The following PID1 variants were observed in gnomAD, a reference collection of about 807,000 sequenced individuals.
The protein encoded by PID1 is phosphotyrosine interaction domain containing 1.
A neutral mutation model predicts 19.1 loss-of-function variants in PID1; 10 were observed. The ratio of observed to expected loss-of-function variants is 0.52; its 90% CI spans 0.32 to 0.89. The LOEUF is 0.89. PID1 is among the 40% of genes least tolerant of loss of function. PID1 has a pLI of 0.03. For missense variants in PID1, 248 were observed against 285.3 expected (o/e 0.87, Z 0.94); for synonymous variants, 130 against 116.0 (o/e 1.12, Z -0.78).
rs115083028 is a variant in PID1, at chr2:229,269,614, C to T, written c.30+1400G>A. The stretch of plus-strand genomic sequence containing the variant: ...TTCTGCTCCTTTGGAATAGAAGTTA[C>T]GCCTTTAACCGAAGGAGAACTTCAA... On this transcript the variant is annotated intron_variant, in intron 1 of 2. Transcript: ENST00000392055. Among the ~76,000 whole-genome samples the T allele has an allele frequency of 2.9e-3, 437 of 152,320 alleles. 1 individual carries two copies. Among genetic ancestry groups the T allele is most frequent in the African/African-American group, 9.7e-3 (405 of 41,570 alleles).
intron 1 of PID1, among the ~76,000 whole-genome samples, chr2:229,212,806 G>A (rs986968767): frequency 1.3e-5 from 2 of 151,970 alleles, no homozygotes; most frequent in Non-Finnish European, 2.9e-5. Flanking sequence ...GCACAGCAAG[G>A]CAGGTAGAAG....
intron 2 of PID1, among the ~76,000 whole-genome samples, chr2:229,134,396 C>T (rs548044256): frequency 0.013 from 827 of 63,778 alleles, 6 homozygotes; most frequent in South Asian, 0.095. Flanking sequence ...CCTGTCACCA[C>T]TCCTGGCTTT....
chr2:229,262,944 A>C (rs985208705), intron 1 of PID1: 1 of 1,409,420 alleles, frequency 7.1e-7, no homozygotes, highest in African/African-American at 1.4e-5. Context: ...ATTCAATATG[A>C]CCTCATCTTA....
chr2:229,210,525 CAAAAAAAAAAA>C (rs1170895327), intron 1 of PID1, among the ~76,000 whole-genome samples: 5 of 15,548 alleles, frequency 3.2e-4, no homozygotes, highest in Admixed American at 1.3e-3. Flanking sequence ...AGTTTTGTCT[CAAAAAAAAAAA>C]AAAAAAAAAA....
intron 2 of PID1, among the ~76,000 whole-genome samples, chr2:229,105,243 G>T (rs911521314): frequency 1.3e-5 from 2 of 152,164 alleles, no homozygotes; most frequent in African/African-American, 4.8e-5. Context: ...CTTTATCCTG[G>T]TCTCTAATCT....
chr2:229,199,652 AT>A (rs1157004500), intron 1 of PID1, among the ~76,000 whole-genome samples: 1 of 151,036 alleles, frequency 6.6e-6, no homozygotes, highest in Non-Finnish European at 1.5e-5. Flanking sequence ...CCATGATTGC[AT>A]TTAAAGGAAG....
At chr2:229,076,963 A>C (rs1275695944) in intron 2 of PID1, among the ~76,000 whole-genome samples, 7 of 152,224 alleles carry the variant, frequency 4.6e-5, no homozygotes, top group Non-Finnish European at 8.8e-5. Flanking sequence ...TTCTTGAGGA[A>C]TCACCACACT....
intron 2 of PID1, among the ~76,000 whole-genome samples, chr2:229,150,036 G>A (rs1416679383): frequency 6.6e-6 from 1 of 151,960 alleles, no homozygotes; most frequent in Non-Finnish European, 1.5e-5. Flanking sequence ...TCAGGAGTGC[G>A]AGACCAGCCT....
chr2:229,065,327 T>C (rs2106196582), intron 2 of PID1, among the ~76,000 whole-genome samples: 1 of 152,228 alleles, frequency 6.6e-6, no homozygotes, highest in African/African-American at 2.4e-5. Context: ...CAAAGCAGAG[T>C]AGATATGACA....
At chr2:229,262,859 C>T (rs1161409311) in intron 1 of PID1, 8 of 1,543,172 alleles carry the variant, frequency 5.2e-6, no homozygotes, top group South Asian at 1.2e-5. Flanking sequence ...TCACAATGGC[C>T]TTCTCTGTGC....
intron 2 of PID1, among the ~76,000 whole-genome samples, chr2:229,121,735 C>T (rs1047755092): frequency 4.6e-5 from 7 of 152,072 alleles, no homozygotes; most frequent in African/African-American, 1.7e-4. Flanking sequence ...TTTATTCATT[C>T]AATAAATATT....
intron 2 of PID1, among the ~76,000 whole-genome samples, chr2:229,042,061 C>T (rs534276014): frequency 1.3e-5 from 2 of 152,130 alleles, no homozygotes; most frequent in African/African-American, 4.8e-5. Flanking sequence ...TGATAACTGT[C>T]CTGTGGATAA....
Position 229,025,581 on chromosome 2 carries a change from C to T in PID1, c.*51G>A. The T allele has an allele frequency of 7.3e-7, 1 of 1,372,892 alleles. No individual in the cohort carries two copies. The highest frequency in any genetic ancestry group is 1.0e-6 in the Non-Finnish European group (1 of 974,230). The allele number at this position is 1,372,892 out of a possible 1,614,324, so 85.0% of individuals were successfully genotyped here. A position where few individuals can be genotyped will look rare whatever the true frequency, so the allele number is the denominator to read the frequency against. ...TTGAAACGTTGCTTACTCATCTATTCCCTTGAACTCCGTGACCAATGCTGC... is the reference window on the plus strand; with the variant it reads ...TTGAAACGTTGCTTACTCATCTATTTCCTTGAACTCCGTGACCAATGCTGC... On this transcript the variant is annotated 3_prime_UTR_variant, in exon 3 of 3. Coordinates refer to ENST00000392055, the MANE Select transcript of PID1 (RefSeq NM_001100818.2).
At chr2:229,228,964 T>G (rs1348291141) in intron 1 of PID1, among the ~76,000 whole-genome samples, 1 of 152,198 alleles carries the variant, frequency 6.6e-6, no homozygotes, top group Non-Finnish European at 1.5e-5. Context: ...GAAATATACC[T>G]TATCTCAAAG....
At position 229,167,857 on chromosome 2, in the gene PID1, A is replaced by C. The variant is rs79677979; in HGVS notation, c.31-11893T>G. ...ATGAAAAGTTTTAAAAATGGAAAGT[A>C]GTCTTTGAATTTTTGAATTTTTATT... is the stretch of plus-strand genomic sequence containing the variant. On this transcript the variant is annotated intron_variant, in intron 1 of 2. Transcript: ENST00000392055. Among the ~76,000 whole-genome samples the C allele has an allele frequency of 2.0e-5, 3 of 152,276 alleles. No individual in the cohort carries two copies. The East Asian group carries it at 5.8e-4, about 29-fold the overall frequency.
At chr2:229,135,452 G>A (rs1490500398) in intron 2 of PID1, among the ~76,000 whole-genome samples, 1 of 152,190 alleles carries the variant, frequency 6.6e-6, no homozygotes, top group Non-Finnish European at 1.5e-5. Flanking sequence ...CAAATTCATA[G>A]AGACAGAATT....
chr2:229,069,281 T>C (rs1221138214), intron 2 of PID1, among the ~76,000 whole-genome samples: 1 of 151,760 alleles, frequency 6.6e-6, no homozygotes, highest in African/African-American at 2.4e-5. Context: ...GCTGAGGACA[T>C]TAAAAAATAT....
chr2:229,231,963 G>T (rs1692219070), intron 1 of PID1: 5 of 1,550,412 alleles, frequency 3.2e-6, no homozygotes, highest in Non-Finnish European at 4.4e-6. Flanking sequence ...CAAGGTGCGG[G>T]CTTGTTTGAT....
At chr2:229,074,017 A>G (rs1694509449) in intron 2 of PID1, among the ~76,000 whole-genome samples, 1 of 152,176 alleles carries the variant, frequency 6.6e-6, no homozygotes, top group Non-Finnish European at 1.5e-5. Context: ...ATCCAAGTTA[A>G]ATGTATTCTT....
Sources: allele counts gnomAD v4.1 joint callset (sites outside exome capture counted in the v4.1 genomes callset), GRCh38; gene constraint gnomAD v4.1.1; transcripts MANE v1.5; gene names NCBI Gene and HGNC (gene_info 2026-07-23, HGNC 2026-07-21).